ATRX: variants seen among roughly 807,000 people sequenced by gnomAD.
ATRX encodes the protein chromatin remodeler ATRX.
A neutral mutation model predicts 172.6 loss-of-function variants in ATRX; 12 were observed. The ratio of observed to expected loss-of-function variants is 0.07; its 90% CI spans 0.04 to 0.11. The LOEUF is 0.11. Among genes scored for constraint, ATRX ranks in the 10% least tolerant of loss-of-function variants. The pLI is 1.00. For synonymous variants in ATRX, 674 were observed against 594.7 expected (o/e 1.13, Z -1.94); for missense variants, 1,368 against 1,767.4 (o/e 0.77, Z 4.05).
chrX:77,735,595 A>AAACT (rs1557178503), intron 1 of ATRX, among the ~76,000 whole-genome samples: 2 of 43,631 alleles, frequency 4.6e-5, no homozygotes, highest in African/African-American at 5.9e-5. Flanking sequence ...CCGTCTCAAA[A>AAACT]AACTAAATAA....
At chrX:77,605,368 C>A (rs1557089897) in intron 22 of ATRX, among the ~76,000 whole-genome samples, 1 of 111,192 alleles carries the variant, frequency 9.0e-6, no homozygotes. Flanking sequence ...GCAGAGGTTG[C>A]AGTGAGCTGA....
intron 1 of ATRX, among the ~76,000 whole-genome samples, chrX:77,763,130 T>C (rs2075781071): frequency 9.1e-6 from 1 of 109,537 alleles, no homozygotes; most frequent in African/African-American, 3.3e-5. Flanking sequence ...TATATATATA[T>C]ATATAGTTGT....
intron 22 of ATRX, among the ~76,000 whole-genome samples, chrX:77,613,819 A>G (rs45488092): frequency 1.2e-4 from 14 of 112,219 alleles, no homozygotes; most frequent in African/African-American, 4.5e-4. Flanking sequence ...GTGGATTTTA[A>G]GTTTAAAGCC....
chrX:77,771,061 T>C (rs1268333248), intron 1 of ATRX, among the ~76,000 whole-genome samples: 2 of 111,737 alleles, frequency 1.8e-5, no homozygotes, highest in African/African-American at 6.5e-5. Flanking sequence ...AGGGGGAAAA[T>C]GAAACATTTT....
rs369490964 is a variant in ATRX at position 77,763,749 on chromosome X, G to A, written c.20+22233C>T. Among the ~76,000 whole-genome samples, 38 of 110,881 alleles carry A rather than the reference G, an allele frequency of 3.4e-4. No individual in the cohort carries two copies. The East Asian group carries it at 6.9e-3, about 20-fold the overall frequency. ...CTCCCAAAGTGCTGGGATTACAGGC[G>A]TGAGCCACCACACCCGGCCCCGTTA... On this transcript the variant is annotated intron_variant, in intron 1 of 34. Transcript: ENST00000373344.
At position 77,663,597 on chromosome X, in the gene ATRX, C is replaced by G. The variant is rs782087139; in HGVS notation, c.3944-39G>C. The stretch of plus-strand genomic sequence containing the variant: ...ATAAATCAATAAAACCTTCTTCAGC[C>G]TTTAAAATGCCTCGTATATCTATTT... On this transcript the variant is annotated intron_variant, in intron 11 of 34. Coordinates refer to ENST00000373344, the MANE Select transcript of ATRX (RefSeq NM_000489.6). 4.5e-5 allele frequency: 50 copies of G among 1,120,343 alleles called. No homozygotes were observed. In the African/African-American group the frequency reaches 7.0e-4, roughly 16 times the overall value. 92.3% of individuals were successfully genotyped at this position (1,120,343 alleles called of 1,213,427 possible).
intron 11 of ATRX, among the ~76,000 whole-genome samples, chrX:77,663,893 G>A (rs1474386313): frequency 7.2e-5 from 8 of 111,170 alleles, no homozygotes; most frequent in Non-Finnish European, 1.1e-4. Flanking sequence ...CCTGAGTTCG[G>A]GAGTTCAAGA....
intron 1 of ATRX, among the ~76,000 whole-genome samples, chrX:77,748,948 A>G (rs1364083275): frequency 1.8e-5 from 2 of 111,341 alleles, no homozygotes; most frequent in Non-Finnish European, 3.8e-5. Flanking sequence ...GCTATTTACT[A>G]AGTGTTTTAA....
At chrX:77,606,478 C>T (rs1323893228) in intron 22 of ATRX, among the ~76,000 whole-genome samples, 1 of 110,594 alleles carries the variant, frequency 9.0e-6, no homozygotes, top group African/African-American at 3.3e-5. Context: ...AAGGACACAT[C>T]AAAAAAAGAA....
chrX:77,746,506 G>A (rs1557184996), intron 1 of ATRX, among the ~76,000 whole-genome samples: 1 of 111,602 alleles, frequency 9.0e-6, no homozygotes, highest in Non-Finnish European at 1.9e-5. Context: ...CTCCTTGTCC[G>A]TCTGGTTAAA....
chrX:77,601,291 C>T (rs1370621330), intron 22 of ATRX, among the ~76,000 whole-genome samples: 1 of 109,344 alleles, frequency 9.1e-6, no homozygotes, highest in Non-Finnish European at 1.9e-5. Flanking sequence ...CACAGCGAGA[C>T]TCTGTCTCCA....
chrX:77,683,362 C>T lies in ATRX; in HGVS notation c.1894G>A (p.Glu632Lys), dbSNP rs1557140572. 1 of 1,211,396 alleles carries T rather than the reference C, an allele frequency of 8.3e-7. No individual in the cohort carries two copies. Among genetic ancestry groups the T allele is most frequent in the Admixed American group, 2.2e-5 (1 of 45,980 alleles). Reference protein sequence around the residue: ...PKLEKCGLGQENSDNEHLVEN... With the variant: ...PKLEKCGLGQKNSDNEHLVEN... ...ACCAAATGCTCATTATCACTGTTTT[C>T]CTGTCCAAGTCCACATTTCTCTAAC... The change falls in exon 9 of 35, where the codon GAA becomes AAA. Residue 632 changes from glutamate to lysine, a missense_variant. By Grantham distance (56) the Glu-to-Lys change is moderately conservative (BLOSUM62 1). Around this residue, in one of 17 missense-constraint regions of ATRX, gnomAD observed 843 missense variants for 643.1 expected, o/e 1.31. Transcript: ENST00000373344.
chrX:77,643,664 T>C (rs2068771168), intron 15 of ATRX, among the ~76,000 whole-genome samples: 1 of 110,931 alleles, frequency 9.0e-6, no homozygotes, highest in African/African-American at 3.3e-5. Flanking sequence ...GCTATCCTCC[T>C]ACCTCAGCCT....
chrX:77,529,897 C>T (rs1278224679), intron 30 of ATRX, among the ~76,000 whole-genome samples: 1 of 111,992 alleles, frequency 8.9e-6, no homozygotes, highest in African/African-American at 3.2e-5. Flanking sequence ...ATCATTGAGA[C>T]AGAAAATTAA....
intron 12 of ATRX, among the ~76,000 whole-genome samples, chrX:77,661,990 T>C (rs2069935241): frequency 9.0e-6 from 1 of 111,409 alleles, no homozygotes; most frequent in Non-Finnish European, 1.9e-5. Flanking sequence ...AAAATTTTTT[T>C]CCCTGCTTGT....
At chrX:77,635,834 A>G in intron 16 of ATRX, 81 bp downstream of exon 16, 1 of 930,905 alleles carries the variant, frequency 1.1e-6, no homozygotes, top group Non-Finnish European at 1.5e-6. Context: ...AGGACTTAGC[A>G]GGATGTGAGG....
At chrX:77,785,374 G>A (rs2076696727) in intron 1 of ATRX, among the ~76,000 whole-genome samples, 1 of 109,799 alleles carries the variant, frequency 9.1e-6, no homozygotes, top group Non-Finnish European at 1.9e-5. Flanking sequence ...ATAAACCCAA[G>A]GATATCCTTC....
At position 77,771,096 on chromosome X, in the gene ATRX, G is replaced by A. The variant is rs181464034; in HGVS notation, c.20+14886C>T. ...TAGCATAGCATAAAAAGCCTTTCTC[G>A]GCCGGGCGTGGTGGTTCATGCCTGT... On this transcript the variant is annotated intron_variant, in intron 1 of 34. Transcript: ENST00000373344. 6.3e-5 allele frequency among the ~76,000 whole-genome samples: 7 copies of A among 111,389 alleles called. No individual in the cohort carries two copies. The East Asian group carries it at 8.4e-4, about 13-fold the overall frequency.
intron 30 of ATRX, among the ~76,000 whole-genome samples, chrX:77,548,207 A>G (rs782609960): frequency 9.0e-6 from 1 of 111,633 alleles, no homozygotes; most frequent in South Asian, 3.8e-4. Flanking sequence ...ACTTGGCATC[A>G]ATCACCCCAA....
Sources: gnomAD v4.1 joint callset for allele counts (sites outside exome capture counted in the v4.1 genomes callset) on GRCh38, gnomAD v4.1.1 for gene constraint, gnomAD v4.1.1 regional missense constraint, MANE v1.5 for transcripts, NCBI Gene and HGNC (gene_info 2026-07-23, HGNC 2026-07-21) for gene names.